CDH13: variants seen among roughly 807,000 people sequenced by gnomAD.
CDH13 encodes the protein cadherin 13, also known as cadherin-13.
Under a neutral mutation model 63.8 loss-of-function variants are expected in CDH13, and 24 were observed. The ratio of observed to expected loss-of-function variants is 0.38; its 90% confidence interval spans 0.27 to 0.53. CDH13 has a LOEUF of 0.53. Among genes scored for constraint, CDH13 ranks in the 20% least tolerant of loss-of-function variants. CDH13 has a pLI of 0.85. For missense variants in CDH13, 1,049 were observed against 903.1 expected, an observed-to-expected ratio of 1.16 and a Z score of -2.07; for synonymous variants, 503 against 355.3, an observed-to-expected ratio of 1.42 and a Z score of -4.67.
chr16:82,637,787 C>T (rs1329382589), intron 1 of CDH13: 1 of 152,138 alleles, frequency 6.6e-6, no homozygotes, highest in Non-Finnish European at 1.5e-5. Flanking sequence ...AGGAACTGAC[C>T]CAAGATCACA....
chr16:83,053,117 G>C (rs1158469628), intron 3 of CDH13, among the ~76,000 whole-genome samples: 1 of 152,116 alleles, frequency 6.6e-6, no homozygotes. Flanking sequence ...ATTCATGTGA[G>C]GCTCTTAGAA....
At chr16:83,476,226 G>T (rs1459793754) in intron 6 of CDH13, among the ~76,000 whole-genome samples, 1 of 152,076 alleles carries the variant, frequency 6.6e-6, no homozygotes, top group Non-Finnish European at 1.5e-5. Context: ...CAGCATCCTT[G>T]ATCTCTACCC....
intron 11 of CDH13, among the ~76,000 whole-genome samples, chr16:83,768,810 A>T (rs1296744029): frequency 6.6e-6 from 1 of 151,168 alleles, no homozygotes; most frequent in Non-Finnish European, 1.5e-5. Flanking sequence ...TCTCATCGCC[A>T]TCTTGGTCTT....
intron 1 of CDH13, among the ~76,000 whole-genome samples, chr16:82,636,993 A>T (rs530681287): frequency 5.9e-5 from 9 of 152,206 alleles, no homozygotes; most frequent in Non-Finnish European, 1.3e-4. Context: ...GAATGTTTTC[A>T]TCTGTAAAAT....
At chr16:82,931,499 C>G (rs921750085) in intron 2 of CDH13, among the ~76,000 whole-genome samples, 17 of 144,612 alleles carry the variant, frequency 1.2e-4, no homozygotes, top group Non-Finnish European at 2.2e-4. Flanking sequence ...AGAATTGGAC[C>G]TTGAGGTCCC....
Position 83,733,046 on chromosome 16 carries a change from T to C in CDH13, c.1539-15062T>C, listed in dbSNP as rs11645762. ...CAGATAGTAAATGCCTTGGTGAAGA[T>C]ACGCATCCCAAGGGCAGGAAGCTCC... On this transcript the variant is annotated intron_variant, in intron 10 of 13. Transcript: ENST00000567109. 4.1e-3 allele frequency among the ~76,000 whole-genome samples: 617 copies of C among 152,292 alleles called. 2 individuals are homozygous for C. Among genetic ancestry groups the C allele is most frequent in the Non-Finnish European group, 6.8e-3 (464 of 68,010 alleles).
chr16:83,484,656 A>G (rs1044138267), intron 6 of CDH13, among the ~76,000 whole-genome samples: 3 of 152,176 alleles, frequency 2.0e-5, no homozygotes, highest in South Asian at 2.1e-4. Flanking sequence ...CCAAATCCCA[A>G]TCCCCTCTCT....
At chr16:83,585,557 C>A (rs1434631177) in intron 7 of CDH13, among the ~76,000 whole-genome samples, 1 of 152,014 alleles carries the variant, frequency 6.6e-6, no homozygotes, top group East Asian at 1.9e-4. Flanking sequence ...AAATGTTGAA[C>A]AAGCAGTTAG....
At chr16:82,893,082 A>T (rs1485819041) in intron 2 of CDH13, among the ~76,000 whole-genome samples, 1 of 152,272 alleles carries the variant, frequency 6.6e-6, no homozygotes, top group African/African-American at 2.4e-5. Context: ...CTGTAATTCT[A>T]ATGTGAACAA....
At chr16:83,688,294 C>G (rs1031898915) in intron 10 of CDH13, among the ~76,000 whole-genome samples, 1 of 152,196 alleles carries the variant, frequency 6.6e-6, no homozygotes, top group Admixed American at 6.5e-5. Flanking sequence ...AATCAGCTCT[C>G]TTGAAAATGC....
intron 1 of CDH13, among the ~76,000 whole-genome samples, chr16:82,820,464 A>C (rs1366869317): frequency 6.6e-6 from 1 of 152,184 alleles, no homozygotes; most frequent in Non-Finnish European, 1.5e-5. Flanking sequence ...CAGAGAATTT[A>C]AGTAACCTCC....
intron 4 of CDH13, among the ~76,000 whole-genome samples, chr16:83,130,842 T>C (rs1392151636): frequency 6.6e-6 from 1 of 152,132 alleles, no homozygotes; most frequent in Non-Finnish European, 1.5e-5. Flanking sequence ...TGAATTCCTG[T>C]AAAGAAAGGA....
At position 83,305,525 on chromosome 16, in the gene CDH13, G is replaced by A. The variant is rs752022761; in HGVS notation, c.637-39337G>A. 7.2e-5 allele frequency among the ~76,000 whole-genome samples: 11 copies of A among 152,106 alleles called. No homozygotes were observed. In the East Asian group the frequency reaches 7.7e-4, roughly 11 times the overall value. On this transcript the variant is annotated intron_variant, in intron 5 of 13. Transcript: ENST00000567109. The stretch of plus-strand genomic sequence containing the variant: ...AGGGTTTTGTCTTTCTTTGTACAGC[G>A]TTGCGGTATTATCATAAGAAAAGTC...
intron 6 of CDH13, among the ~76,000 whole-genome samples, chr16:83,365,828 G>T (rs561987574): frequency 4.0e-4 from 61 of 152,250 alleles, no homozygotes; most frequent in Non-Finnish European, 7.8e-4. Flanking sequence ...AGATGGAATT[G>T]GGCTGCATGG....
intron 5 of CDH13, among the ~76,000 whole-genome samples, chr16:83,275,622 A>C (rs1379817969): frequency 1.3e-5 from 2 of 151,820 alleles, no homozygotes; most frequent in East Asian, 3.9e-4. Flanking sequence ...TCCTCCTGGC[A>C]TTAGTAAAAC....
intron 7 of CDH13, among the ~76,000 whole-genome samples, chr16:83,521,877 A>G (rs1352905604): frequency 6.6e-6 from 1 of 152,232 alleles, no homozygotes; most frequent in African/African-American, 2.4e-5. Context: ...CCTATAATAC[A>G]GGGCAAATCA....
intron 2 of CDH13, among the ~76,000 whole-genome samples, chr16:83,028,573 C>G (rs1029471675): frequency 6.6e-6 from 1 of 152,164 alleles, no homozygotes; most frequent in Non-Finnish European, 1.5e-5. Flanking sequence ...TACGTAGATA[C>G]CTCAGTCCGT....
chr16:82,892,735 CT>C lies in CDH13; in HGVS notation c.157+34271del, dbSNP rs202045326. Among the ~76,000 whole-genome samples, 21 of 151,194 alleles carry C rather than the reference CT, an allele frequency of 1.4e-4. No homozygotes were observed. In the South Asian group the frequency reaches 1.9e-3, roughly 14 times the overall value. On this transcript the variant is annotated intron_variant, in intron 2 of 13. Coordinates refer to ENST00000567109, the MANE Select transcript of CDH13 (RefSeq NM_001257.5). ...ATTTGAAATGCTCAGTGTTTTTCTTCTTTTTTTTTCATGTAACAATATGTTT... is the reference window on the plus strand; with the variant it reads ...ATTTGAAATGCTCAGTGTTTTTCTTCTTTTTTTTCATGTAACAATATGTTT...
intron 2 of CDH13, among the ~76,000 whole-genome samples, chr16:83,024,134 G>A (rs1308076210): frequency 6.6e-6 from 1 of 152,150 alleles, no homozygotes; most frequent in African/African-American, 2.4e-5. Context: ...CTGAGGGTTG[G>A]ATGGCAAGGA....
Sources: gnomAD v4.1 joint callset for allele counts (sites outside exome capture counted in the v4.1 genomes callset) on GRCh38, gnomAD v4.1.1 for gene constraint, MANE v1.5 for transcripts, NCBI Gene and HGNC (gene_info 2026-07-23, HGNC 2026-07-21) for gene names.